Variants in TMEM240 observed in about 807,000 individuals in gnomAD.
TMEM240 encodes the protein transmembrane protein C1orf70.
A neutral mutation model predicts 19.5 loss-of-function variants in TMEM240; 3 were observed. The ratio of observed to expected loss-of-function variants is 0.15; its 90% confidence interval spans 0.07 to 0.40. TMEM240 has a LOEUF of 0.40. TMEM240 is among the 10% of genes least tolerant of loss of function. The pLI is 1.00. For missense variants in TMEM240, 210 were observed against 253.5 expected, an observed-to-expected ratio of 0.83 and a Z score of 1.17; for synonymous variants, 123 against 109.3, an observed-to-expected ratio of 1.13 and a Z score of -0.78.
At chr1:1,537,367 G>T (rs1642238067) in intron 2 of TMEM240, among the ~76,000 whole-genome samples, 2 of 152,124 alleles carry the variant, frequency 1.3e-5, no homozygotes, top group African/African-American at 4.8e-5. Flanking sequence ...ATGGGCAGCT[G>T]CTGACCACTG....
At position 1,539,782 on chromosome 1, in the gene TMEM240, C is replaced by T. The variant is rs758901113; in HGVS notation, c.66G>A (p.Ala22=). 1.9e-6 allele frequency: 3 copies of T among 1,546,782 alleles called. No homozygotes were observed. The South Asian group carries it at 3.6e-5, about 18-fold the overall frequency. ...GCAGCGCGTTCATGTCCATCAAGCA[C>T]GCGATGGCCTGGAAGAGCTCATGAC... ...ILGASVVMAI[A]CLMDMNALLD... The change falls in exon 2 of 4, where the codon GCG becomes GCA. Residue 22 remains alanine, a synonymous_variant. Transcript: ENST00000378733.
Position 1,540,332 on chromosome 1 carries a change from C to T in TMEM240, c.15G>A (p.Ala5=), listed in dbSNP as rs935348654. 16 of 1,296,324 alleles carry T rather than the reference C, an allele frequency of 1.2e-5. No homozygotes were observed. The African/African-American group carries it at 2.5e-4, about 20-fold the overall frequency. 80.3% of individuals were successfully genotyped at this position (1,296,324 alleles called of 1,614,324 possible). A position where few individuals can be genotyped will look rare whatever the true frequency, so the allele number is the denominator to read the frequency against. The stretch of plus-strand genomic sequence containing the variant: ...CCAGAATCATGAAGATCATGGTGTT[C>T]GCGCTCATGGACATCGGGCGGGGCC... MSMS[A]NTMIFMILGA... is the part of the protein sequence containing the mutation. Residue 5 remains alanine, a synonymous_variant, in exon 1 of 4, where the codon GCG becomes GCA. Coordinates refer to ENST00000378733, the MANE Select transcript of TMEM240 (RefSeq NM_001114748.2).
chr1:1,537,853 G>A (rs773777697), intron 2 of TMEM240, among the ~76,000 whole-genome samples: 2 of 152,222 alleles, frequency 1.3e-5, no homozygotes, highest in South Asian at 2.1e-4. Context: ...TCCACGGGGC[G>A]CCACGTCACG....
In TMEM240 at chr1:1,535,426, G is replaced by A. The variant is rs1410484199; in HGVS notation, c.455C>T (p.Ala152Val). ...RRPHRPFEEA[A>V]GNMVHVKQKL... ...CTGCTTCACGTGTACCATGTTCCCGGCGGCCTCCTCGAAGGGCCTGTGCGG... is the reference window on the plus strand; with the variant it reads ...CTGCTTCACGTGTACCATGTTCCCGACGGCCTCCTCGAAGGGCCTGTGCGG... The change falls in exon 4 of 4, where the codon GCC becomes GTC. Residue 152 changes from alanine (A) to valine (V), a missense_variant. Physicochemically the swap from Ala to Val is moderately conservative, Grantham distance 64 (BLOSUM62 0). This residue lies in a region of TMEM240 where 157 missense variants were observed against 168.2 expected (regional missense o/e 0.93). Transcript: ENST00000378733. The surrounding 1 kb of genome is among the most constrained non-coding windows in gnomAD (Gnocchi z 8.2). The A allele has an allele frequency of 1.2e-5, 18 of 1,549,612 alleles. No homozygotes were observed. Among genetic ancestry groups the A allele is most frequent in the Non-Finnish European group, 1.6e-5 (18 of 1,146,500 alleles).
chr1:1,535,847 C>T lies in TMEM240; in HGVS notation c.165-50G>A. 6.6e-7 allele frequency: 1 copy of T among 1,517,158 alleles called. No homozygotes were observed. The highest frequency in any genetic ancestry group is 1.4e-5 in the African/African-American group (1 of 72,416). 94.0% of individuals were successfully genotyped at this position (1,517,158 alleles called of 1,614,324 possible). A position where few individuals can be genotyped will look rare whatever the true frequency, so the allele number is the denominator to read the frequency against. On this transcript the variant is annotated intron_variant, in intron 2 of 3. Transcript: ENST00000378733. This position sits in a 1 kb window ranked among gnomAD's most constrained non-coding sequence, Gnocchi z 8.2. The stretch of plus-strand genomic sequence containing the variant: ...ACCTCTCCCGCCACCCCCGGCCTGG[C>T]CTTCCCCCGGGGCGCCTACCCCGTG...
Position 1,540,468 on chromosome 1 carries a change from C to G in TMEM240, c.-122G>C. 4.6e-6 allele frequency: 1 copy of G among 219,260 alleles called. No individual in the cohort carries two copies. The allele number at this position is 219,260 out of a possible 1,614,324, so 13.6% of individuals were successfully genotyped here. A position where few individuals can be genotyped will look rare whatever the true frequency, so the allele number is the denominator to read the frequency against. ...AGCGCTTCCCTGGATCGTCCGCCGC[C>G]GCTCGCTGCAACCCCGGCACCGGCC... On this transcript the variant is annotated 5_prime_UTR_variant, in exon 1 of 4. Transcript: ENST00000378733.
Position 1,535,148 on chromosome 1 carries a change from T to G in TMEM240, c.*211A>C. 8 of 190,926 alleles carry G rather than the reference T, an allele frequency of 4.2e-5. No homozygotes were observed. The highest frequency in any genetic ancestry group is 1.8e-4 in the East Asian group (1 of 5,706). 11.8% of individuals were successfully genotyped at this position (190,926 alleles called of 1,614,324 possible). ...TGCCCCCCAACTGCAGGGTCTCCCC[T>G]AACCCAACCCCCACCCTAGCCCACA... On this transcript the variant is annotated 3_prime_UTR_variant, in exon 4 of 4. Transcript: ENST00000378733. The surrounding 1 kb of genome is among the most constrained non-coding windows in gnomAD (Gnocchi z 8.2).
Position 1,535,901 on chromosome 1 carries a change from T to TG in TMEM240, c.165-105dup, listed in dbSNP as rs1642211710. 4.1e-6 allele frequency: 2 copies of TG among 488,992 alleles called. No homozygotes were observed. The highest frequency in any genetic ancestry group is 6.9e-4 in the Middle Eastern group (1 of 1,458). The allele number at this position is 488,992 out of a possible 1,614,324, so 30.3% of individuals were successfully genotyped here. A position where few individuals can be genotyped will look rare whatever the true frequency, so the allele number is the denominator to read the frequency against. ...GGGGTGTGACCGCGTCAGGCCGCCC[T>TG]GGGGGTTCTCTGAAGCAGCCTCTTG... On this transcript the variant is annotated intron_variant, in intron 2 of 3. Coordinates refer to ENST00000378733, the MANE Select transcript of TMEM240 (RefSeq NM_001114748.2). This position sits in a 1 kb window ranked among gnomAD's most constrained non-coding sequence, Gnocchi z 8.2.
Position 1,540,398 on chromosome 1 carries a change from C to CA in TMEM240, c.-53_-52insT, listed in dbSNP as rs886166811. 33 of 844,082 alleles carry CA rather than the reference C, an allele frequency of 3.9e-5. No homozygotes were observed. The highest frequency in any genetic ancestry group is 4.9e-5 in the Non-Finnish European group (33 of 668,712). 52.3% of individuals were successfully genotyped at this position (844,082 alleles called of 1,614,324 possible). ...GCCGCCCCCCGGCCCCGGCGCCCCC[C>CA]CGGCCCCGGCCCGATGCTGAGCCCC... is the stretch of plus-strand genomic sequence containing the variant. On this transcript the variant is annotated 5_prime_UTR_variant, in exon 1 of 4. Transcript: ENST00000378733.
chr1:1,537,817 T>C (rs1642245804), intron 2 of TMEM240, among the ~76,000 whole-genome samples: 1 of 152,204 alleles, frequency 6.6e-6, no homozygotes, highest in Non-Finnish European at 1.5e-5. Context: ...CATGTTCGCT[T>C]GGCTTTGCAA....
chr1:1,539,474 T>C (rs1192102508), intron 2 of TMEM240: 3 of 580,812 alleles, frequency 5.2e-6, no homozygotes, highest in Non-Finnish European at 9.2e-6. Context: ...GCCATCACCC[T>C]GGAGGCCTCT....
At position 1,540,466 on chromosome 1, in the gene TMEM240, G is replaced by A. The variant is rs1029152741; in HGVS notation, c.-120C>T. The A allele has an allele frequency of 3.6e-5, 8 of 224,838 alleles. No individual in the cohort carries two copies. The highest frequency in any genetic ancestry group is 5.2e-5 in the Non-Finnish European group (7 of 135,496). 13.9% of individuals were successfully genotyped at this position (224,838 alleles called of 1,614,324 possible). A position where few individuals can be genotyped will look rare whatever the true frequency, so the allele number is the denominator to read the frequency against. On this transcript the variant is annotated 5_prime_UTR_variant, in exon 1 of 4. Coordinates refer to ENST00000378733, the MANE Select transcript of TMEM240 (RefSeq NM_001114748.2). Reference sequence around the variant, plus strand: ...TCAGCGCTTCCCTGGATCGTCCGCCGCCGCTCGCTGCAACCCCGGCACCGG... The same window carrying A: ...TCAGCGCTTCCCTGGATCGTCCGCCACCGCTCGCTGCAACCCCGGCACCGG...
In TMEM240 at chr1:1,535,086, C is replaced by T; in HGVS notation, c.*273G>A. 9.8e-6 allele frequency: 3 copies of T among 304,972 alleles called. No individual in the cohort carries two copies. In the South Asian group the frequency reaches 1.7e-4, roughly 18 times the overall value. The allele number at this position is 304,972 out of a possible 1,614,324, so 18.9% of individuals were successfully genotyped here. On this transcript the variant is annotated 3_prime_UTR_variant, in exon 4 of 4. Coordinates refer to ENST00000378733, the MANE Select transcript of TMEM240 (RefSeq NM_001114748.2). This position sits in a 1 kb window ranked among gnomAD's most constrained non-coding sequence, Gnocchi z 8.2. ...CCTGCCCCCCAGGACCCTCCCTGCCCCCCAGCACCGCTGGGGATGAGTCCG... is the reference window on the plus strand; with the variant it reads ...CCTGCCCCCCAGGACCCTCCCTGCCTCCCAGCACCGCTGGGGATGAGTCCG...
chr1:1,538,708 TTCA>T (rs1443294728), intron 2 of TMEM240, among the ~76,000 whole-genome samples: 4 of 152,352 alleles, frequency 2.6e-5, no homozygotes, highest in Non-Finnish European at 4.4e-5. Context: ...ACCCGTGTTC[TTCA>T]TCGACACGCC....
At chr1:1,540,248 G>GGCGGGGAGCAGGGGGCGCGC in intron 1 of TMEM240, 42 bp downstream of exon 1, 1 of 1,283,274 alleles carries the variant, frequency 7.8e-7, no homozygotes, top group Non-Finnish European at 9.9e-7. Context: ...GGCGCGCGCG[G>GGCGGGGAGCAGGGGGCGCGC]GCGGGGAGCA....
rs1005426171 is a variant in TMEM240 at position 1,536,436 on chromosome 1, G to T, written c.165-639C>A. On this transcript the variant is annotated intron_variant, in intron 2 of 3. Coordinates refer to ENST00000378733, the MANE Select transcript of TMEM240 (RefSeq NM_001114748.2). The surrounding 1 kb of genome is among the most constrained non-coding windows in gnomAD (Gnocchi z 5.4). ...CCATCCTCTCCCCTTCCTGGGGGAC[G>T]CCCCCTTGCCCTTGCCTGGCACAGA... Among the ~76,000 whole-genome samples, 7 of 152,142 alleles carry T rather than the reference G, an allele frequency of 4.6e-5. No individual in the cohort carries two copies. Among genetic ancestry groups the T allele is most frequent in the African/African-American group, 1.4e-4 (6 of 41,422 alleles).
At chr1:1,540,229 G>A (rs1250021923) in intron 1 of TMEM240, 61 bp downstream of exon 1, 2 of 1,209,996 alleles carry the variant, frequency 1.7e-6, no homozygotes, top group South Asian at 2.7e-5. Flanking sequence ...CGCGGGAGGT[G>A]GGCCAGGCGG....
rs575420758 is a variant in TMEM240, at chr1:1,539,846, G to T, written c.58-56C>A. 4.1e-6 allele frequency: 6 copies of T among 1,472,206 alleles called. No homozygotes were observed. In the South Asian group the frequency reaches 7.4e-5, roughly 18 times the overall value. 91.2% of individuals were successfully genotyped at this position (1,472,206 alleles called of 1,614,324 possible). A position where few individuals can be genotyped will look rare whatever the true frequency, so the allele number is the denominator to read the frequency against. ...GGAGCGGGCGGGACGAAGCGGGGCT[G>T]GGGGTGGGGAGCGCAGGCCGGGGTC... On this transcript the variant is annotated intron_variant, in intron 1 of 3. Transcript: ENST00000378733.
rs1408186713 is a variant in TMEM240, at chr1:1,535,473, G to A, written c.408C>T (p.Ser136=). The part of the protein sequence containing the change: ...GSWTWLPKLC[S]LRELGRRPHR... ...GCGGCCGCCGGCCCAGCTCCCGCAG[G>A]CTGCACAGCTTGGGCAGCCAGGTCC... Residue 136 remains serine, a synonymous_variant, in exon 4 of 4, where the codon AGC becomes AGT. Coordinates refer to ENST00000378733, the MANE Select transcript of TMEM240 (RefSeq NM_001114748.2). This position sits in a 1 kb window ranked among gnomAD's most constrained non-coding sequence, Gnocchi z 8.2. 1 of 1,548,608 alleles carries A rather than the reference G, an allele frequency of 6.5e-7. No homozygotes were observed. The highest frequency in any genetic ancestry group is 8.7e-7 in the Non-Finnish European group (1 of 1,146,044).
Sources: allele counts gnomAD v4.1 joint callset (sites outside exome capture counted in the v4.1 genomes callset), GRCh38; gene constraint gnomAD v4.1.1; regional missense constraint gnomAD v4.1.1; non-coding constraint Gnocchi (gnomAD v3.1); transcripts MANE v1.5; gene names NCBI Gene and HGNC (gene_info 2026-07-23, HGNC 2026-07-21).